RNFT2: variants seen among roughly 807,000 people sequenced by gnomAD.
The protein encoded by RNFT2 is E3 ubiquitin-protein ligase RNFT2.
Under a neutral mutation model 53.0 loss-of-function variants are expected in RNFT2, and 36 were observed. That is an observed-to-expected ratio of 0.68 (90% confidence interval 0.52 to 0.90). The LOEUF is 0.90. RNFT2 is among the 40% of genes least tolerant of loss of function. The probability of loss-of-function intolerance (pLI) is 0.00; values close to 1 mark genes in which losing one functional copy is unlikely to be tolerated. For missense variants in RNFT2, 514 were observed against 585.6 expected (o/e 0.88, Z 1.26); for synonymous variants, 260 against 253.2 (o/e 1.03, Z -0.26).
At chr12:116,840,552 C>G (rs966267506) in intron 10 of RNFT2, among the ~76,000 whole-genome samples, 1 of 152,188 alleles carries the variant, frequency 6.6e-6, no homozygotes, top group Non-Finnish European at 1.5e-5. Context: ...GTTGCCTCCT[C>G]GGAATGAATG....
chr12:116,771,480 A>ATATATAT (rs1283939021), intron 6 of RNFT2, among the ~76,000 whole-genome samples: 1 of 114,158 alleles, frequency 8.8e-6, no homozygotes, highest in Non-Finnish European at 2.0e-5. Context: ...AAAAAAAAAA[A>ATATATAT]AAAAAAAAAA....
chr12:116,782,602 G>A (rs1053639938), intron 7 of RNFT2, among the ~76,000 whole-genome samples: 17 of 152,042 alleles, frequency 1.1e-4, no homozygotes, highest in South Asian at 4.2e-4. Context: ...TTGGGTGGGC[G>A]CAGCATTCCA....
chr12:116,822,451 G>A (rs1242634221), intron 7 of RNFT2, among the ~76,000 whole-genome samples: 1 of 152,018 alleles, frequency 6.6e-6, no homozygotes, highest in Non-Finnish European at 1.5e-5. Flanking sequence ...TTTTCCAGCT[G>A]CGTCACCTGG....
At chr12:116,846,429 C>G (rs1371235471) in intron 10 of RNFT2, among the ~76,000 whole-genome samples, 7 of 43,922 alleles carry the variant, frequency 1.6e-4, no homozygotes, top group Admixed American at 5.6e-4. Context: ...TGCCACCATG[C>G]CCAGCTAATT....
chr12:116,846,639 A>G (rs140951991), intron 10 of RNFT2, among the ~76,000 whole-genome samples: 138 of 151,956 alleles, frequency 9.1e-4, no homozygotes, highest in South Asian at 2.5e-3. Context: ...AGATTTTTTT[A>G]TTATTATTTC....
At chr12:116,820,913 T>C (rs1875980260) in intron 7 of RNFT2, among the ~76,000 whole-genome samples, 1 of 152,236 alleles carries the variant, frequency 6.6e-6, no homozygotes, top group Admixed American at 6.5e-5. Flanking sequence ...AAGCCAGCCC[T>C]AGTCCTTCTC....
chr12:116,749,783 G>C, intron 3 of RNFT2, 58 bp from the exon 4 acceptor site: 8 of 1,451,348 alleles, frequency 5.5e-6, no homozygotes, highest in Middle Eastern at 1.7e-4. Flanking sequence ...TCCTCCTCTG[G>C]AGTAAGGTCT....
intron 6 of RNFT2, among the ~76,000 whole-genome samples, chr12:116,771,071 A>G (rs563261458): frequency 6.6e-6 from 1 of 152,276 alleles, no homozygotes; most frequent in African/African-American, 2.4e-5. Context: ...CAGAGACCAT[A>G]TAGCTTACAA....
chr12:116,739,993 G>A (rs1446406490), intron 1 of RNFT2, among the ~76,000 whole-genome samples: 1 of 152,140 alleles, frequency 6.6e-6, no homozygotes, highest in Non-Finnish European at 1.5e-5. Flanking sequence ...ATCACTTGAG[G>A]TCAGAAGTTT....
intron 7 of RNFT2, 127 bp from the exon 8 acceptor site, chr12:116,833,665 T>C: frequency 1.0e-6 from 1 of 962,224 alleles, no homozygotes; most frequent in South Asian, 1.5e-5. Flanking sequence ...CCTGAGTGCT[T>C]TCCAGAGCTG....
At chr12:116,836,412 G>A (rs1876974450) in intron 10 of RNFT2, 130 bp downstream of exon 10, 2 of 739,324 alleles carry the variant, frequency 2.7e-6, no homozygotes, top group East Asian at 2.7e-5. Context: ...GAGTCAGCCA[G>A]ACCTGGGTTC....
intron 10 of RNFT2, among the ~76,000 whole-genome samples, chr12:116,841,350 T>G (rs1418633094): frequency 1.3e-5 from 2 of 151,964 alleles, no homozygotes; most frequent in Non-Finnish European, 2.9e-5. Flanking sequence ...CTACTCAGAA[T>G]GCTGAGGTGA....
chr12:116,841,965 AGAG>A (rs370265880), intron 10 of RNFT2, among the ~76,000 whole-genome samples: 89,684 of 117,246 alleles, frequency 0.76, 38,842 homozygotes, highest in Non-Finnish European at 0.85. Flanking sequence ...ATATAGAGAG[AGAG>A]AGAGAGAGAG....
At chr12:116,834,612 T>C (rs911222044) in intron 8 of RNFT2, among the ~76,000 whole-genome samples, 4 of 152,142 alleles carry the variant, frequency 2.6e-5, no homozygotes, top group African/African-American at 9.7e-5. Context: ...GCTTTTTCTG[T>C]CTCTATGAAT....
At chr12:116,755,070 G>A (rs984551610) in intron 5 of RNFT2, among the ~76,000 whole-genome samples, 3 of 152,168 alleles carry the variant, frequency 2.0e-5, no homozygotes, top group Non-Finnish European at 2.9e-5. Context: ...CTAAGCCAAT[G>A]TCTAGAAGGG....
rs1268161818 is a variant in RNFT2 at position 116,775,452 on chromosome 12, GC to G, written c.729-3741del. On this transcript the variant is annotated intron_variant, in intron 6 of 10. Coordinates refer to ENST00000257575, the MANE Select transcript of RNFT2 (RefSeq NM_001382266.1). Reference sequence around the variant, plus strand: ...ATGAAGCCCTTGCTAAGGAGTCTTAGCCTTGGAGGCGACACTTACCACTGAG... The same window carrying G: ...ATGAAGCCCTTGCTAAGGAGTCTTAGCTTGGAGGCGACACTTACCACTGAG... Among the ~76,000 whole-genome samples, 6 of 152,282 alleles carry G rather than the reference GC, an allele frequency of 3.9e-5. No homozygotes were observed. The East Asian group carries it at 9.7e-4, about 25-fold the overall frequency.
intron 7 of RNFT2, among the ~76,000 whole-genome samples, chr12:116,833,052 C>A (rs568394714): frequency 6.6e-6 from 1 of 152,078 alleles, no homozygotes; most frequent in African/African-American, 2.4e-5. Context: ...CTCCGAGTAG[C>A]TGGGATTACA....
chr12:116,743,720 C>T (rs138004465), intron 3 of RNFT2, among the ~76,000 whole-genome samples: 17 of 152,294 alleles, frequency 1.1e-4, no homozygotes, highest in African/African-American at 3.4e-4. Context: ...ATACCCCCTG[C>T]GACTCTGGGG....
chr12:116,750,390 T>G, intron 4 of RNFT2, 83 bp downstream of exon 4: 3 of 1,341,896 alleles, frequency 2.2e-6, no homozygotes, highest in Non-Finnish European at 3.1e-6. Flanking sequence ...GCTCCTCCTC[T>G]GAAGCCCAGG....
Sources: allele counts gnomAD v4.1 joint callset (sites outside exome capture counted in the v4.1 genomes callset), GRCh38; gene constraint gnomAD v4.1.1; transcripts MANE v1.5; gene names NCBI Gene and HGNC (gene_info 2026-07-23, HGNC 2026-07-21).